CCDC158: variants seen among roughly 807,000 people sequenced by gnomAD.
The protein encoded by CCDC158 is coiled-coil domain-containing protein 158.
CCDC158 carries 116 observed loss-of-function variants against 138.6 expected under a neutral mutation model. The ratio of observed to expected loss-of-function variants is 0.84; its 90% CI spans 0.72 to 0.98. CCDC158 has a LOEUF of 0.98. Ranked by LOEUF, CCDC158 falls within the 50% of genes least tolerant of loss-of-function variation. The pLI is 0.00. For missense variants in CCDC158, 1,265 were observed against 1,306.1 expected, an observed-to-expected ratio of 0.97 and a Z score of 0.48; for synonymous variants, 436 against 442.4, an observed-to-expected ratio of 0.99 and a Z score of 0.18.
Position 76,377,644 on chromosome 4 carries a change from G to T in CCDC158, c.1029+1646C>A, listed in dbSNP as rs1725839488. On this transcript the variant is annotated intron_variant, in intron 9 of 24. Coordinates refer to ENST00000682701, the MANE Select transcript of CCDC158 (RefSeq NM_001394954.1). ...AGGGGAAAAGCTTGTCCTGAGAAAAGACACTAGAACATAAAAAGCAGGCTT... is the reference window on the plus strand; with the variant it reads ...AGGGGAAAAGCTTGTCCTGAGAAAATACACTAGAACATAAAAAGCAGGCTT... Among the ~76,000 whole-genome samples, 7 of 152,272 alleles carry T rather than the reference G, an allele frequency of 4.6e-5. No individual in the cohort carries two copies. In the South Asian group the frequency reaches 1.2e-3, roughly 27 times the overall value.
chr4:76,314,237 T>C (rs1468951367), intron 24 of CCDC158, among the ~76,000 whole-genome samples: 1 of 152,206 alleles, frequency 6.6e-6, no homozygotes, highest in East Asian at 1.9e-4. Context: ...ATATCTTCCA[T>C]GTGGATTATT....
chr4:76,390,157 A>C (rs1401495175), intron 4 of CCDC158, among the ~76,000 whole-genome samples: 2 of 152,166 alleles, frequency 1.3e-5, no homozygotes, highest in Non-Finnish European at 2.9e-5. Context: ...CAAGCCATAG[A>C]TAGTACAATA....
intron 13 of CCDC158, among the ~76,000 whole-genome samples, chr4:76,359,277 G>T (rs777256898): frequency 5.4e-4 from 82 of 152,112 alleles, no homozygotes; most frequent in Admixed American, 2.2e-3. Context: ...GTTCTTTATA[G>T]CAATGCAAAA....
chr4:76,372,431 C>CA (rs2110260952), intron 9 of CCDC158, among the ~76,000 whole-genome samples: 2 of 152,174 alleles, frequency 1.3e-5, no homozygotes, highest in East Asian at 3.9e-4. Flanking sequence ...GGTGACAGAG[C>CA]AAAACTGTTT....
Position 76,391,608 on chromosome 4 carries a change from T to G in CCDC158, c.288+4661A>C, listed in dbSNP as rs28622283. 2.6e-5 allele frequency among the ~76,000 whole-genome samples: 4 copies of G among 151,862 alleles called. No individual in the cohort carries two copies. The East Asian group carries it at 7.7e-4, about 29-fold the overall frequency. ...AACTGCAAATAAACAATTTAAATGA[T>G]GTATTTTAAAGAACTAGAAAAGCAA... On this transcript the variant is annotated intron_variant, in intron 4 of 24. Transcript: ENST00000682701.
chr4:76,385,935 C>T (rs934031165), intron 4 of CCDC158, among the ~76,000 whole-genome samples: 18 of 152,198 alleles, frequency 1.2e-4, no homozygotes, highest in African/African-American at 3.4e-4. Flanking sequence ...TTCTCAGTAG[C>T]GATACTGAAT....
At chr4:76,318,998 C>T (rs928882944) in intron 24 of CCDC158, among the ~76,000 whole-genome samples, 3 of 151,742 alleles carry the variant, frequency 2.0e-5, no homozygotes, top group Non-Finnish European at 2.9e-5. Flanking sequence ...AGTGGCCAGG[C>T]GCGGTGGCTT....
intron 12 of CCDC158, among the ~76,000 whole-genome samples, chr4:76,365,494 C>T (rs1201592574): frequency 6.6e-6 from 1 of 152,216 alleles, no homozygotes; most frequent in Non-Finnish European, 1.5e-5. Flanking sequence ...ACTTCCAACA[C>T]TGTCTTCTTC....
At chr4:76,373,657 G>A (rs368441592) in intron 9 of CCDC158, among the ~76,000 whole-genome samples, 3 of 152,146 alleles carry the variant, frequency 2.0e-5, no homozygotes, top group South Asian at 2.1e-4. Flanking sequence ...ATAAGGAATA[G>A]AAGTTATATA....
chr4:76,388,981 C>G (rs542266123), intron 4 of CCDC158, among the ~76,000 whole-genome samples: 2 of 151,980 alleles, frequency 1.3e-5, no homozygotes, highest in Non-Finnish European at 2.9e-5. Flanking sequence ...AAAGCCTTCC[C>G]GAGAAGAACA....
intron 10 of CCDC158, among the ~76,000 whole-genome samples, chr4:76,370,269 C>T (rs1725110042): frequency 6.6e-6 from 1 of 152,142 alleles, no homozygotes; most frequent in East Asian, 1.9e-4. Context: ...GAATAGCAGA[C>T]AGAATCTCAC....
At chr4:76,317,185 T>C (rs1719481952) in intron 24 of CCDC158, among the ~76,000 whole-genome samples, 1 of 152,060 alleles carries the variant, frequency 6.6e-6, no homozygotes. Context: ...AGATACGGAA[T>C]GGCAGAAAGG....
rs543670386 is a variant in CCDC158, at chr4:76,371,623, T to C, written c.1030-87A>G. 2,045 of 1,487,938 alleles carry C rather than the reference T, an allele frequency of 1.4e-3. 5 individuals are homozygous for C. Among genetic ancestry groups the C allele is most frequent in the Non-Finnish European group, 1.7e-3 (1,898 of 1,088,182 alleles). 92.2% of individuals were successfully genotyped at this position (1,487,938 alleles called of 1,614,324 possible). ...ATAGACTTTGGAAAACAAATGGTAT[T>C]ATTTTGAGAACAAAAATAAAAGTTC... On this transcript the variant is annotated intron_variant, in intron 9 of 24. Coordinates refer to ENST00000682701, the MANE Select transcript of CCDC158 (RefSeq NM_001394954.1).
Position 76,323,228 on chromosome 4 carries a change from C to T in CCDC158, c.3277+74G>A, listed in dbSNP as rs1284077921. 3.7e-6 allele frequency: 4 copies of T among 1,070,444 alleles called. No individual in the cohort carries two copies. In the Admixed American group the frequency reaches 8.0e-5, roughly 21 times the overall value. 66.3% of individuals were successfully genotyped at this position (1,070,444 alleles called of 1,614,324 possible). A position where few individuals can be genotyped will look rare whatever the true frequency, so the allele number is the denominator to read the frequency against. ...AATACCCTTTCAGCAGGTCTATAGA[C>T]AGGAGGCTTAATCTGAAAAGAAGGT... On this transcript the variant is annotated intron_variant, in intron 24 of 24. Coordinates refer to ENST00000682701, the MANE Select transcript of CCDC158 (RefSeq NM_001394954.1).
At position 76,362,284 on chromosome 4, in the gene CCDC158, C is replaced by A. The variant is rs758950777; in HGVS notation, c.1862G>T (p.Arg621Leu). Residue 621 changes from arginine (R) to leucine (L), a missense_variant, in exon 13 of 25, where the codon CGG (arginine) becomes CTG (leucine). Coordinates refer to ENST00000682701, the MANE Select transcript of CCDC158 (RefSeq NM_001394954.1). ...ILKDKKDAKIRELEARVSDLE... is the reference protein window; with the variant it reads ...ILKDKKDAKILELEARVSDLE... ...GTCACTCACTCTGGCCTCAAGCTCCCGGATCTTTGCATCTTTTTTATCTTT... is the reference window on the plus strand; with the variant it reads ...GTCACTCACTCTGGCCTCAAGCTCCAGGATCTTTGCATCTTTTTTATCTTT... The A allele has an allele frequency of 3.1e-6, 5 of 1,612,778 alleles. No individual in the cohort carries two copies. Among genetic ancestry groups the A allele is most frequent in the Non-Finnish European group, 4.2e-6 (5 of 1,179,676 alleles).
chr4:76,375,680 G>T (rs958393905), intron 9 of CCDC158: 1 of 697,844 alleles, frequency 1.4e-6, no homozygotes, highest in Non-Finnish European at 2.6e-6. Context: ...GTCCAAATTC[G>T]TAAAGGGGAA....
rs1304922131 is a variant in CCDC158 at position 76,319,465 on chromosome 4, AATATATATATATATATATATAT to A, written c.3277+3815_3277+3836del. ...AAAAAAAAAAAAAAAAAAAAAAAAA[AATATATATATATATATATATAT>A]ATATATATATATATATATATATGTC... On this transcript the variant is annotated intron_variant, in intron 24 of 24. Coordinates refer to ENST00000682701, the MANE Select transcript of CCDC158 (RefSeq NM_001394954.1). 4.1e-3 allele frequency among the ~76,000 whole-genome samples: 92 copies of A among 22,248 alleles called. 2 individuals carry two copies. Among genetic ancestry groups the A allele is most frequent in the African/African-American group, 0.012 (65 of 5,544 alleles). 14.6% of individuals were successfully genotyped at this position (22,248 alleles called of 152,430 possible). A position where few individuals can be genotyped will look rare whatever the true frequency, so the allele number is the denominator to read the frequency against.
At chr4:76,344,992 T>C (rs1722403640) in intron 18 of CCDC158, 3 of 1,441,976 alleles carry the variant, frequency 2.1e-6, no homozygotes, top group African/African-American at 1.4e-5. Context: ...GGGAGGTAGA[T>C]GACTTCTTTG....
At chr4:76,393,587 GTAATACCC>G (rs2109820705) in intron 4 of CCDC158, among the ~76,000 whole-genome samples, 1 of 152,052 alleles carries the variant, frequency 6.6e-6, no homozygotes, top group Admixed American at 6.6e-5. Context: ...AATTTCTCGA[GTAATACCC>G]TACATGCACA....
Sources: gnomAD v4.1 joint callset for allele counts (sites outside exome capture counted in the v4.1 genomes callset) on GRCh38, gnomAD v4.1.1 for gene constraint, MANE v1.5 for transcripts, NCBI Gene and HGNC (gene_info 2026-07-23, HGNC 2026-07-21) for gene names.